The following PDE11A variants were observed in gnomAD, a reference collection of about 807,000 sequenced individuals.
PDE11A encodes dual 3',5'-cyclic-AMP and -GMP phosphodiesterase 11A.
PDE11A carries 100 observed loss-of-function variants against 100.5 expected under a neutral mutation model. The ratio of observed to expected loss-of-function variants is 1.00; its 90% CI spans 0.85 to 1.18. PDE11A has a LOEUF of 1.18. Ranked by LOEUF, PDE11A falls within the 50% of genes most tolerant of loss-of-function variation. The pLI, the probability that PDE11A is intolerant of heterozygous loss-of-function variation, is 0.00. For synonymous variants in PDE11A, 381 were observed against 420.8 expected (o/e 0.91, Z 1.16); for missense variants, 1,141 against 1,152.6 (o/e 0.99, Z 0.15).
chr2:177,799,060 C>A (rs950378156), intron 9 of PDE11A, among the ~76,000 whole-genome samples: 2 of 152,138 alleles, frequency 1.3e-5, no homozygotes, highest in Non-Finnish European at 2.9e-5. Flanking sequence ...TGCCTTCCTC[C>A]CCCAAACCCA....
intron 9 of PDE11A, among the ~76,000 whole-genome samples, chr2:177,786,818 C>T (rs1320929891): frequency 6.6e-5 from 10 of 151,960 alleles, no homozygotes; most frequent in Middle Eastern, 3.4e-3. Flanking sequence ...TAAAATGAAG[C>T]GAGAAGGGAA....
At chr2:177,994,258 A>C (rs765380339) in intron 2 of PDE11A, among the ~76,000 whole-genome samples, 58 of 152,098 alleles carry the variant, frequency 3.8e-4, no homozygotes, top group Non-Finnish European at 7.1e-4. Flanking sequence ...ATGTTATCTT[A>C]ATGATTGATG....
chr2:177,864,245 A>G (rs1383989770), intron 5 of PDE11A, among the ~76,000 whole-genome samples: 2 of 152,198 alleles, frequency 1.3e-5, no homozygotes, highest in Non-Finnish European at 2.9e-5. Flanking sequence ...ACAAAGTAGC[A>G]GATATGTAGG....
intron 2 of PDE11A, among the ~76,000 whole-genome samples, chr2:177,944,765 G>A (rs534466199): frequency 1.3e-4 from 19 of 151,590 alleles, no homozygotes; most frequent in African/African-American, 4.6e-4. Context: ...CCGAGGCCGA[G>A]GACTCGGTCC....
intron 9 of PDE11A, among the ~76,000 whole-genome samples, chr2:177,771,054 C>G (rs111387455): frequency 2.6e-5 from 4 of 152,066 alleles, no homozygotes; most frequent in African/African-American, 9.7e-5. Context: ...GTCTGAAACT[C>G]CTGGGTTCAA....
At chr2:177,789,924 T>A (rs578115161) in intron 9 of PDE11A, among the ~76,000 whole-genome samples, 1 of 151,580 alleles carries the variant, frequency 6.6e-6, no homozygotes, top group Non-Finnish European at 1.5e-5. Flanking sequence ...TCCATGCTCA[T>A]GGGTAGGAAG....
chr2:177,912,954 G>T (rs574994148), intron 2 of PDE11A, among the ~76,000 whole-genome samples: 1 of 152,282 alleles, frequency 6.6e-6, no homozygotes, highest in Middle Eastern at 3.4e-3. Flanking sequence ...TGGTTGCCTG[G>T]GTTAGCAGCA....
intron 2 of PDE11A, among the ~76,000 whole-genome samples, chr2:178,007,348 A>G (rs1004116427): frequency 6.6e-6 from 1 of 152,138 alleles, no homozygotes; most frequent in African/African-American, 2.4e-5. Flanking sequence ...CAGATTTTAA[A>G]TTTTTTTGTA....
At chr2:178,021,297 T>C (rs980532180) in intron 1 of PDE11A, among the ~76,000 whole-genome samples, 2 of 152,086 alleles carry the variant, frequency 1.3e-5, no homozygotes, top group East Asian at 3.9e-4. Context: ...AAATAATGCA[T>C]CTTAGGACAT....
chr2:177,683,739 A>G (rs1248968676), intron 15 of PDE11A, among the ~76,000 whole-genome samples: 1 of 152,200 alleles, frequency 6.6e-6, no homozygotes, highest in African/African-American at 2.4e-5. Context: ...TCGTGTGACA[A>G]GAACCCAGTT....
intron 1 of PDE11A, among the ~76,000 whole-genome samples, chr2:178,066,390 T>C (rs2087043885): frequency 6.6e-6 from 1 of 152,206 alleles, no homozygotes. Flanking sequence ...AGATTCTTAA[T>C]ACTTTTTATC....
At chr2:177,715,471 C>CT (rs914439439) in intron 12 of PDE11A, among the ~76,000 whole-genome samples, 20 of 132,230 alleles carry the variant, frequency 1.5e-4, no homozygotes, top group Middle Eastern at 3.8e-3. Context: ...TTTTTCTTTT[C>CT]TTTTTTTTTT....
intron 3 of PDE11A, among the ~76,000 whole-genome samples, chr2:177,903,899 G>GGGC (rs1312114569): frequency 6.6e-6 from 1 of 152,154 alleles, no homozygotes; most frequent in African/African-American, 2.4e-5. Flanking sequence ...CAGGAGCACG[G>GGGC]TAAGACATGG....
At chr2:177,903,419 T>C (rs572992916) in intron 3 of PDE11A, among the ~76,000 whole-genome samples, 19 of 152,348 alleles carry the variant, frequency 1.2e-4, no homozygotes, top group South Asian at 2.1e-4. Context: ...AAAAAAATTG[T>C]TTTCTTATCT....
intron 2 of PDE11A, chr2:177,997,529 A>C: frequency 3.7e-6 from 3 of 819,244 alleles, no homozygotes; most frequent in Non-Finnish European, 6.5e-6. Flanking sequence ...CAATGCAACA[A>C]CTTTAATTTT....
chr2:177,866,878 A>G (rs891448868), intron 5 of PDE11A, among the ~76,000 whole-genome samples: 7 of 152,386 alleles, frequency 4.6e-5, no homozygotes, highest in African/African-American at 1.7e-4. Flanking sequence ...CAAACACTGC[A>G]TGGGCAAATC....
chr2:178,082,372 G>A (rs191345721), intron 2 of PDE11A, among the ~76,000 whole-genome samples: 9 of 152,214 alleles, frequency 5.9e-5, no homozygotes, highest in East Asian at 3.9e-4. Context: ...TTTAAAATAC[G>A]TATACCATTT....
intron 2 of PDE11A, among the ~76,000 whole-genome samples, chr2:177,923,912 AAT>A (rs2085090674): frequency 6.6e-6 from 1 of 152,232 alleles, no homozygotes; most frequent in South Asian, 2.1e-4. Flanking sequence ...TGGCTCAAGC[AAT>A]ATGTGTTAAA....
rs546568923 is a variant in PDE11A at position 178,053,468 on chromosome 2, C to T, written c.912+18058G>A. Among the ~76,000 whole-genome samples, 163 of 152,268 alleles carry T rather than the reference C, an allele frequency of 1.1e-3. 2 individuals are homozygous for T. The highest frequency in any genetic ancestry group is 3.6e-3 in the African/African-American group (151 of 41,556). On this transcript the variant is annotated intron_variant, in intron 1 of 19. Transcript: ENST00000286063. ...AAAACTGGCAGAAGACAGGGATGCC[C>T]TCTCTCACCACTCCTATTCAACATA... is the stretch of plus-strand genomic sequence containing the variant.
Sources: allele counts gnomAD v4.1 joint callset (sites outside exome capture counted in the v4.1 genomes callset), GRCh38; gene constraint gnomAD v4.1.1; transcripts MANE v1.5; gene names NCBI Gene and HGNC (gene_info 2026-07-23, HGNC 2026-07-21).